Variants in LRP1B observed in about 807,000 individuals in gnomAD.
The protein encoded by LRP1B is low-density lipoprotein receptor-related protein 1B.
A neutral mutation model predicts 556.6 loss-of-function variants in LRP1B; 217 were observed. The observed-to-expected ratio is 0.39, with a 90% CI of 0.35 to 0.44. The LOEUF (loss-of-function observed/expected upper bound fraction) is 0.44, where lower values mean the gene tolerates loss of function less well. LRP1B is among the 20% of genes least tolerant of loss of function. The pLI, the probability that LRP1B is intolerant of heterozygous loss-of-function variation, is 1.00. For synonymous variants in LRP1B, 2,047 were observed against 1,865.8 expected, an observed-to-expected ratio of 1.10 and a Z score of -2.50; for missense variants, 5,053 against 5,620.8, an observed-to-expected ratio of 0.90 and a Z score of 3.23.
rs13012730 is a variant in LRP1B, at chr2:140,306,085, A to G, written c.12806-8116T>C. On this transcript the variant is annotated intron_variant, in intron 83 of 90. Coordinates refer to ENST00000389484, the MANE Select transcript of LRP1B (RefSeq NM_018557.3). ...TTTTATTCAGGATTTTTGCATCGATATTCATCAGGTATATTGGTCTAACAT... is the reference window on the plus strand; with the variant it reads ...TTTTATTCAGGATTTTTGCATCGATGTTCATCAGGTATATTGGTCTAACAT... Among the ~76,000 whole-genome samples the G allele has an allele frequency of 4.4e-3, 473 of 107,802 alleles. 1 individual carries two copies. Among genetic ancestry groups the G allele is most frequent in the East Asian group, 5.2e-3 (22 of 4,204 alleles). 70.7% of individuals were successfully genotyped at this position (107,802 alleles called of 152,430 possible).
At chr2:140,652,497 T>C (rs575667908) in intron 41 of LRP1B, among the ~76,000 whole-genome samples, 2 of 152,170 alleles carry the variant, frequency 1.3e-5, no homozygotes, top group South Asian at 4.1e-4. Flanking sequence ...ATTTTTAATA[T>C]TTAATAACTA....
chr2:141,923,423 AGTGACAAAGAGAT>A (rs1700244603), intron 1 of LRP1B, among the ~76,000 whole-genome samples: 1 of 130,198 alleles, frequency 7.7e-6, no homozygotes, highest in Admixed American at 7.9e-5. Context: ...ATATATATAT[AGTGACAAAGAGAT>A]TATATATATA....
chr2:141,608,213 A>C (rs192479365), intron 2 of LRP1B, among the ~76,000 whole-genome samples: 122 of 152,300 alleles, frequency 8.0e-4, no homozygotes, highest in African/African-American at 2.9e-3. Context: ...AATAAGAGCA[A>C]AACTCCGTCT....
chr2:141,728,868 T>A lies in LRP1B; in HGVS notation c.205+81411A>T, dbSNP rs558565727. ...CACGTGATGTTTGGCTTAACAAATGTTTTTCTTGCATCTATTCCTTTAAGA... is the reference window on the plus strand; with the variant it reads ...CACGTGATGTTTGGCTTAACAAATGATTTTCTTGCATCTATTCCTTTAAGA... On this transcript the variant is annotated intron_variant, in intron 2 of 90. Transcript: ENST00000389484. 2.3e-4 allele frequency among the ~76,000 whole-genome samples: 35 copies of A among 152,302 alleles called. No homozygotes were observed. The South Asian group carries it at 7.3e-3, about 32-fold the overall frequency.
At chr2:140,727,051 C>T (rs1687618877) in intron 35 of LRP1B, among the ~76,000 whole-genome samples, 1 of 152,052 alleles carries the variant, frequency 6.6e-6, no homozygotes, top group South Asian at 2.1e-4. Flanking sequence ...ATCTTGGCTG[C>T]TACATTTTAT....
At chr2:140,775,232 T>C (rs981231216) in intron 33 of LRP1B, among the ~76,000 whole-genome samples, 4 of 152,000 alleles carry the variant, frequency 2.6e-5, no homozygotes, top group Admixed American at 2.6e-4. Flanking sequence ...GTTCAATAAA[T>C]GCTGCTTGCT....
At chr2:141,095,906 G>A (rs1700286948) in intron 7 of LRP1B, among the ~76,000 whole-genome samples, 1 of 152,000 alleles carries the variant, frequency 6.6e-6, no homozygotes, top group African/African-American at 2.4e-5. Context: ...GATGGAGGAG[G>A]ACTATTTGGT....
chr2:142,083,142 C>T (rs754048208), intron 1 of LRP1B, among the ~76,000 whole-genome samples: 6 of 152,080 alleles, frequency 3.9e-5, no homozygotes. Flanking sequence ...GTAAACACAG[C>T]CCGAAGGAAC....
chr2:141,657,223 CAG>C lies in LRP1B; in HGVS notation c.205+153054_205+153055del, dbSNP rs1254611521. Among the ~76,000 whole-genome samples, 7 of 152,020 alleles carry C rather than the reference CAG, an allele frequency of 4.6e-5. No individual in the cohort carries two copies. The East Asian group carries it at 7.7e-4, about 17-fold the overall frequency. ...TTTGTATTTAAGTTACTAGAAATTACAGAGTGTAGTAAATGACCAAAAGAAAT... is the reference window on the plus strand; with the variant it reads ...TTTGTATTTAAGTTACTAGAAATTACAGTGTAGTAAATGACCAAAAGAAAT... On this transcript the variant is annotated intron_variant, in intron 2 of 90. Coordinates refer to ENST00000389484, the MANE Select transcript of LRP1B (RefSeq NM_018557.3).
intron 5 of LRP1B, among the ~76,000 whole-genome samples, chr2:141,234,885 T>A (rs1037487829): frequency 6.6e-6 from 1 of 152,134 alleles, no homozygotes; most frequent in African/African-American, 2.4e-5. Context: ...ACTGAAAATG[T>A]GAATCAAGTT....
chr2:140,772,301 T>G (rs973700522), intron 33 of LRP1B, among the ~76,000 whole-genome samples: 1 of 144,454 alleles, frequency 6.9e-6, no homozygotes, highest in African/African-American at 2.5e-5. Context: ...ATATATATAT[T>G]TGTATGTATG....
rs751139966 is a variant in LRP1B, at chr2:140,450,649, T to C, written c.9976A>G (p.Thr3326Ala). Residue 3326 changes from threonine to alanine, a missense_variant, in exon 63 of 91, where the codon ACT (threonine) becomes GCT (alanine). Thr to Ala is a moderately conservative substitution (Grantham distance 58, BLOSUM62 0). Transcript: ENST00000389484. ...NCTASQFRCK[T>A]DKCIPFWWKC... ...CACCAGAATGGAATACATTTGTCAG[T>C]TTTGCAACGAAACTTAAAAAAGAAA... The C allele has an allele frequency of 3.1e-6, 5 of 1,608,362 alleles. No individual in the cohort carries two copies. The South Asian group carries it at 5.5e-5, about 18-fold the overall frequency.
At chr2:140,516,754 T>C (rs1689920074) in intron 50 of LRP1B, 135 bp downstream of exon 50, 1 of 792,314 alleles carries the variant, frequency 1.3e-6, no homozygotes, top group Non-Finnish European at 2.0e-6. Flanking sequence ...TTACCATTTT[T>C]GTATTATTTA....
At chr2:142,101,293 T>C (rs116089746) in intron 1 of LRP1B, among the ~76,000 whole-genome samples, 291 of 152,084 alleles carry the variant, frequency 1.9e-3, no homozygotes, top group African/African-American at 6.6e-3. Context: ...AAAAAAGTTA[T>C]TGCTTTGGGA....
At chr2:140,274,918 T>C (rs1419973524) in intron 84 of LRP1B, among the ~76,000 whole-genome samples, 2 of 152,002 alleles carry the variant, frequency 1.3e-5, no homozygotes, top group African/African-American at 4.8e-5. Flanking sequence ...TAAGTATAGT[T>C]TGAAATGAAC....
intron 3 of LRP1B, among the ~76,000 whole-genome samples, chr2:141,283,910 T>C (rs910237248): frequency 2.0e-5 from 3 of 152,206 alleles, no homozygotes; most frequent in African/African-American, 7.2e-5. Context: ...TTTATCATTT[T>C]AGATAATAAA....
At chr2:140,950,530 C>T in intron 19 of LRP1B, 128 bp from the exon 20 acceptor site, 1 of 669,118 alleles carries the variant, frequency 1.5e-6, no homozygotes, top group Non-Finnish European at 2.4e-6. Context: ...GTCACCCAAC[C>T]TGTAGTGCAG....
Position 140,851,225 on chromosome 2 carries a change from A to G in LRP1B, c.4711+427T>C, listed in dbSNP as rs115698866. 3.4e-3 allele frequency among the ~76,000 whole-genome samples: 514 copies of G among 152,210 alleles called. 4 individuals are homozygous for G. The highest frequency in any genetic ancestry group is 0.012 in the African/African-American group (496 of 41,558). On this transcript the variant is annotated intron_variant, in intron 28 of 90. Coordinates refer to ENST00000389484, the MANE Select transcript of LRP1B (RefSeq NM_018557.3). ...TTTTATTTCACTTTTCCCCCTTTCA[A>G]GTTGATAATCCTGTACCAAATGATG...
chr2:140,476,536 A>G (rs1385491242), intron 59 of LRP1B, among the ~76,000 whole-genome samples: 1 of 152,026 alleles, frequency 6.6e-6, no homozygotes, highest in Non-Finnish European at 1.5e-5. Context: ...AAAAGGAAAG[A>G]GTTTTCAGGA....
Sources: allele counts gnomAD v4.1 joint callset (sites outside exome capture counted in the v4.1 genomes callset), GRCh38; gene constraint gnomAD v4.1.1; transcripts MANE v1.5; gene names NCBI Gene and HGNC (gene_info 2026-07-23, HGNC 2026-07-21).